The following PRKD2 variants were observed in gnomAD, a reference collection of about 807,000 sequenced individuals.
The protein encoded by PRKD2 is protein kinase D2.
Under a neutral mutation model 86.0 loss-of-function variants are expected in PRKD2, and 22 were observed. The observed-to-expected ratio is 0.26, with a 90% CI of 0.18 to 0.37. The LOEUF is 0.37. Ranked by LOEUF, PRKD2 falls within the 10% of genes least tolerant of loss-of-function variation. The pLI is 1.00. For synonymous variants in PRKD2, 509 were observed against 510.9 expected (o/e 1.00, Z 0.05); for missense variants, 818 against 1,199.2 (o/e 0.68, Z 4.70).
At chr19:46,696,119 G>A (rs1346216181) in intron 9 of PRKD2, among the ~76,000 whole-genome samples, 3 of 152,090 alleles carry the variant, frequency 2.0e-5, no homozygotes, top group Non-Finnish European at 4.4e-5. Context: ...GATTACAGGC[G>A]TGAGCCACCA....
At chr19:46,689,812 T>G in intron 13 of PRKD2, 114 bp from the exon 14 acceptor site, 1 of 1,278,534 alleles carries the variant, frequency 7.8e-7, no homozygotes, top group Non-Finnish European at 1.1e-6. Context: ...CCTGGGGTAT[T>G]GGCACTTGGA....
chr19:46,690,261 A>G (rs1035599170), intron 13 of PRKD2, among the ~76,000 whole-genome samples: 7 of 151,906 alleles, frequency 4.6e-5, no homozygotes, highest in Non-Finnish European at 7.4e-5. Context: ...CACCCTCCAG[A>G]TGGCAGCCTG....
In PRKD2 at chr19:46,679,212, C is replaced by T. The variant is rs116609213; in HGVS notation, c.2071-549G>A. 6.4e-3 allele frequency among the ~76,000 whole-genome samples: 981 copies of T among 152,140 alleles called. 10 individuals are homozygous for T. Among genetic ancestry groups the T allele is most frequent in the African/African-American group, 0.023 (943 of 41,510 alleles). On this transcript the variant is annotated intron_variant, in intron 15 of 17. Coordinates refer to ENST00000291281, the MANE Select transcript of PRKD2 (RefSeq NM_016457.5). ...ACAAAAATTAGCACACGCCTGCGGT[C>T]CCAGCTACTCAGGAGGCTGAGGCAG...
rs34325043 is a variant in PRKD2, at chr19:46,689,698, T to C, written c.1810A>G (p.Ser604Gly). 1,021 of 1,613,996 alleles carry C rather than the reference T, an allele frequency of 6.3e-4. 8 individuals carry two copies. In the African/African-American group the frequency reaches 0.011, roughly 18 times the overall value. The change falls in exon 14 of 18, where the codon AGC (serine) becomes GGC (glycine). Residue 604 changes from serine (S) to glycine (G), a missense_variant and splice_region_variant. Physicochemically the swap from Ser to Gly is moderately conservative, Grantham distance 56 (BLOSUM62 0). Around this residue, in one of 5 missense-constraint regions of PRKD2, gnomAD observed 154 missense variants for 359.6 expected, o/e 0.43. Coordinates refer to ENST00000291281, the MANE Select transcript of PRKD2 (RefSeq NM_016457.5). ...QLRNEVAILQ[S>G]LRHPGIVNLE... ...TTCACGATCCCGGGATGCCGCAGGCTCTGCAGGGTGGGGAGCGGGGTCAGG... is the reference window on the plus strand; with the variant it reads ...TTCACGATCCCGGGATGCCGCAGGCCCTGCAGGGTGGGGAGCGGGGTCAGG...
At position 46,716,674 on chromosome 19, in the gene PRKD2, T is replaced by C; in HGVS notation, c.-304A>G. 1 of 247,254 alleles carries C rather than the reference T, an allele frequency of 4.0e-6. No individual in the cohort carries two copies. The highest frequency in any genetic ancestry group is 5.4e-5 in the Admixed American group (1 of 18,350). The allele number at this position is 247,254 out of a possible 1,614,324, so 15.3% of individuals were successfully genotyped here. A position where few individuals can be genotyped will look rare whatever the true frequency, so the allele number is the denominator to read the frequency against. ...GAAGCCTGAGAGGAAATCTAGTAGGTCGGGGTCACAGGGATCAGGAGAGCC... is the reference window on the plus strand; with the variant it reads ...GAAGCCTGAGAGGAAATCTAGTAGGCCGGGGTCACAGGGATCAGGAGAGCC... On this transcript the variant is annotated 5_prime_UTR_variant, in exon 1 of 18. Transcript: ENST00000291281. The surrounding 1 kb of genome is among the most constrained non-coding windows in gnomAD (Gnocchi z 7.9).
chr19:46,713,814 C>T, intron 2 of PRKD2, 49 bp downstream of exon 2: 1 of 919,402 alleles, frequency 1.1e-6, no homozygotes. Flanking sequence ...CCCCCAGATG[C>T]CCCGCCCCCA....
At chr19:46,714,160 C>T in intron 1 of PRKD2, 159 bp from the exon 2 acceptor site, 2 of 1,337,642 alleles carry the variant, frequency 1.5e-6, no homozygotes, top group Middle Eastern at 2.9e-4. Context: ...AACCCCAGCG[C>T]GAGCCGGGCA....
intron 7 of PRKD2, 133 bp from the exon 8 acceptor site, chr19:46,697,983 C>A: frequency 1.4e-6 from 1 of 704,612 alleles, no homozygotes; most frequent in South Asian, 1.7e-5. Context: ...TTGACATTTT[C>A]CCCCCAACAC....
At chr19:46,713,728 C>T in intron 2 of PRKD2, 135 bp downstream of exon 2, 3 of 871,346 alleles carry the variant, frequency 3.4e-6, no homozygotes, top group South Asian at 1.9e-5. Context: ...AGCTCAGCCT[C>T]CCAAAGTGCT....
At chr19:46,705,154 C>T (rs1361234848) in intron 3 of PRKD2, among the ~76,000 whole-genome samples, 1 of 152,004 alleles carries the variant, frequency 6.6e-6, no homozygotes, top group East Asian at 1.9e-4. Flanking sequence ...CGCCTCACAC[C>T]CCACCTTTTC....
chr19:46,686,950 CA>C (rs200555770), intron 14 of PRKD2, among the ~76,000 whole-genome samples: 16 of 142,442 alleles, frequency 1.1e-4, no homozygotes, highest in African/African-American at 4.2e-4. Flanking sequence ...GACTCCGTCT[CA>C]AAAAAAAATA....
intron 16 of PRKD2, 137 bp from the exon 17 acceptor site, chr19:46,675,255 T>C: frequency 1.5e-6 from 1 of 682,064 alleles, no homozygotes; most frequent in Non-Finnish European, 2.5e-6. Context: ...GCCTCACCTG[T>C]GCCAATCACT....
chr19:46,680,946 A>ATATATATATATATATATATTTTTTTTTT lies in PRKD2; in HGVS notation c.2070+703_2070+704insAAAAAAAAAATATATATATATATATATA. On this transcript the variant is annotated intron_variant, in intron 15 of 17. Coordinates refer to ENST00000291281, the MANE Select transcript of PRKD2 (RefSeq NM_016457.5). Reference sequence around the variant, plus strand: ...AAACTATATATATATATATATATATATTTTTTTTTTTTTTTTTGAGACAGA... The same window carrying ATATATATATATATATATATTTTTTTTTT: ...AAACTATATATATATATATATATATATATATATATATATATATATTTTTTTTTTTTTTTTTTTTTTTTTTTGAGACAGA... 4.1e-5 allele frequency among the ~76,000 whole-genome samples: 2 copies of ATATATATATATATATATATTTTTTTTTT among 48,258 alleles called. 1 individual carries two copies. The highest frequency in any genetic ancestry group is 8.1e-5 in the Non-Finnish European group (2 of 24,830). The allele number at this position is 48,258 out of a possible 152,430, so 31.7% of individuals were successfully genotyped here.
In PRKD2 at chr19:46,716,081, C is replaced by T; in HGVS notation, c.240+50G>A. On this transcript the variant is annotated intron_variant, in intron 1 of 17. Transcript: ENST00000291281. The surrounding 1 kb of genome is among the most constrained non-coding windows in gnomAD (Gnocchi z 7.9). ...GGCCCCAGACCCCTCTGCCAGCGCC[C>T]CCTCCTTCAACCTCTCCCCGAGCTG... 1 of 1,595,824 alleles carries T rather than the reference C, an allele frequency of 6.3e-7. No homozygotes were observed.
In PRKD2 at chr19:46,693,781, T is replaced by C. The variant is rs1190350205; in HGVS notation, c.1576+94A>G. The stretch of plus-strand genomic sequence containing the variant: ...AGAAGCTGCGTTCTCAACCCCACCA[T>C]TGCCCACTTTCCTCTTTGGCCCTTC... On this transcript the variant is annotated intron_variant, in intron 10 of 17. Transcript: ENST00000291281. This position sits in a 1 kb window ranked among gnomAD's most constrained non-coding sequence, Gnocchi z 4.5. The C allele has an allele frequency of 3.4e-6, 5 of 1,485,702 alleles. No individual in the cohort carries two copies. Among genetic ancestry groups the C allele is most frequent in the Middle Eastern group, 2.5e-4 (1 of 3,966 alleles). The allele number at this position is 1,485,702 out of a possible 1,614,324, so 92.0% of individuals were successfully genotyped here. A position where few individuals can be genotyped will look rare whatever the true frequency, so the allele number is the denominator to read the frequency against.
At chr19:46,709,549 C>CG (rs1290925481) in intron 3 of PRKD2, among the ~76,000 whole-genome samples, 1 of 151,530 alleles carries the variant, frequency 6.6e-6, no homozygotes, top group South Asian at 2.1e-4. Context: ...TTAGTAGAGA[C>CG]GGGGTTTCAC....
Position 46,689,640 on chromosome 19 carries a change from A to G in PRKD2, c.1868T>C (p.Val623Ala), listed in dbSNP as rs2053454498. ...ATGCAGCTTCTCCATCACCACAAAC[A>G]CTTTCTCAGGCGTCTCGAACATGCA... ...LECMFETPEK[V>A]FVVMEKLHGD... Residue 623 changes from valine (V) to alanine (A), a missense_variant, in exon 14 of 18, where the codon GTG (valine) becomes GCG (alanine). Val to Ala is a moderately conservative substitution (Grantham distance 64). Coordinates refer to ENST00000291281, the MANE Select transcript of PRKD2 (RefSeq NM_016457.5). 3.7e-6 allele frequency: 6 copies of G among 1,613,854 alleles called. No homozygotes were observed. Among genetic ancestry groups the G allele is most frequent in the Non-Finnish European group, 5.1e-6 (6 of 1,179,956 alleles).
chr19:46,704,030 A>T, intron 5 of PRKD2, 139 bp downstream of exon 5: 1 of 1,283,100 alleles, frequency 7.8e-7, no homozygotes, highest in Non-Finnish European at 1.1e-6. Flanking sequence ...CAAAGGTCCC[A>T]GAACACTAGG....
intron 16 of PRKD2, among the ~76,000 whole-genome samples, chr19:46,676,954 G>T (rs1334347372): frequency 6.6e-6 from 1 of 151,784 alleles, no homozygotes; most frequent in African/African-American, 2.4e-5. Context: ...CCAGTTACTC[G>T]GGAGGCTGAG....
Sources: allele counts gnomAD v4.1 joint callset (sites outside exome capture counted in the v4.1 genomes callset), GRCh38; gene constraint gnomAD v4.1.1; regional missense constraint gnomAD v4.1.1; non-coding constraint Gnocchi (gnomAD v3.1); transcripts MANE v1.5; gene names NCBI Gene and HGNC (gene_info 2026-07-23, HGNC 2026-07-21).